Variants in ACACA observed in about 807,000 individuals in gnomAD.
The protein encoded by ACACA is acetyl-CoA carboxylase 1.
A neutral mutation model predicts 296.1 loss-of-function variants in ACACA; 103 were observed. That is an observed-to-expected ratio of 0.35 (90% confidence interval 0.30 to 0.41). The LOEUF (loss-of-function observed/expected upper bound fraction) is 0.41. Among genes scored for constraint, ACACA ranks in the 10% least tolerant of loss-of-function variants. The pLI, the probability that ACACA is intolerant of heterozygous loss-of-function variation, is 1.00. For synonymous variants in ACACA, 953 were observed against 1,038.6 expected (o/e 0.92, Z 1.58); for missense variants, 1,554 against 2,989.7 (o/e 0.52, Z 11.20).
chr17:37,166,722 T>A (rs1181567614), intron 41 of ACACA, among the ~76,000 whole-genome samples: 1 of 152,194 alleles, frequency 6.6e-6, no homozygotes, highest in East Asian at 1.9e-4. Flanking sequence ...CCTTGGACAC[T>A]TAACCTTTTA....
chr17:37,190,843 CA>C (rs1282675558), intron 38 of ACACA, among the ~76,000 whole-genome samples: 1 of 152,126 alleles, frequency 6.6e-6, no homozygotes, highest in African/African-American at 2.4e-5. Flanking sequence ...TAGGTACCAA[CA>C]AAAGAAAATG....
At chr17:37,375,696 T>A (rs1445569641) in intron 1 of ACACA, among the ~76,000 whole-genome samples, 2 of 152,200 alleles carry the variant, frequency 1.3e-5, no homozygotes, top group Non-Finnish European at 2.9e-5. Context: ...TCTCCACATC[T>A]TTTCATGAAA....
intron 1 of ACACA, among the ~76,000 whole-genome samples, chr17:37,372,139 C>T (rs1597727235): frequency 6.6e-6 from 1 of 152,058 alleles, no homozygotes; most frequent in Non-Finnish European, 1.5e-5. Flanking sequence ...ATAAGCCAGA[C>T]GCAGTAGTTC....
In ACACA at chr17:37,092,924, A is replaced by AT. The variant is rs111511738; in HGVS notation, c.6892-3851dup. On this transcript the variant is annotated intron_variant, in intron 54 of 55. Coordinates refer to ENST00000616317, the MANE Select transcript of ACACA (RefSeq NM_198834.3). ...CAACAGAAGCCCAAGAAAGGATGTGATTTTTTTTTCCAAGGGCTTTAGAGT... is the reference window on the plus strand; with the variant it reads ...CAACAGAAGCCCAAGAAAGGATGTGATTTTTTTTTTCCAAGGGCTTTAGAGT... Among the ~76,000 whole-genome samples the AT allele has an allele frequency of 8.0e-3, 1,222 of 151,876 alleles. 58 individuals are homozygous for AT. Among genetic ancestry groups the AT allele is most frequent in the Admixed American group, 0.071 (1,084 of 15,272 alleles).
chr17:37,186,925 T>C (rs933549412), intron 39 of ACACA, among the ~76,000 whole-genome samples: 5 of 151,402 alleles, frequency 3.3e-5, no homozygotes, highest in African/African-American at 9.7e-5. Context: ...AAAGTAGTTA[T>C]GAAGAACAAA....
chr17:37,216,198 G>GTGTT (rs2078987572), intron 29 of ACACA, among the ~76,000 whole-genome samples: 1 of 146,258 alleles, frequency 6.8e-6, no homozygotes, highest in Non-Finnish European at 1.5e-5. Context: ...ACGTGTGTGT[G>GTGTT]TGTGTGTGTG....
Position 37,121,404 on chromosome 17 carries a change from C to T in ACACA, c.6225G>A (p.Leu2075=). Residue 2075 remains leucine (L), a synonymous_variant, in exon 50 of 56, where the codon CTG becomes CTA. Transcript: ENST00000616317. ...QAIKDFNREG[L]PLMVFANWRG... ...TCCAGTTGGCAAAGACCATCAGAGG[C>T]AGCCCTTCCCGGTTGAAGTCCTTGA... 1.2e-6 allele frequency: 2 copies of T among 1,614,156 alleles called. No homozygotes were observed. Among genetic ancestry groups the T allele is most frequent in the Non-Finnish European group, 1.7e-6 (2 of 1,180,024 alleles).
intron 54 of ACACA, among the ~76,000 whole-genome samples, chr17:37,091,160 A>G (rs2072604992): frequency 6.6e-6 from 1 of 152,224 alleles, no homozygotes; most frequent in South Asian, 2.1e-4. Flanking sequence ...CAATGCTCAG[A>G]CACTACACTG....
At chr17:37,234,087 T>C (rs1047046811) in intron 25 of ACACA, among the ~76,000 whole-genome samples, 1 of 152,020 alleles carries the variant, frequency 6.6e-6, no homozygotes, top group Non-Finnish European at 1.5e-5. Flanking sequence ...TTTTCCTCCA[T>C]GAAAAAATGA....
intron 1 of ACACA, among the ~76,000 whole-genome samples, chr17:37,374,355 C>T (rs575758948): frequency 6.7e-6 from 1 of 150,086 alleles, no homozygotes; most frequent in Non-Finnish European, 1.5e-5. Context: ...GGTGCAATCT[C>T]GGCTCACTGC....
At chr17:37,220,641 G>C (rs543553150) in intron 29 of ACACA, among the ~76,000 whole-genome samples, 206 of 152,260 alleles carry the variant, frequency 1.4e-3, no homozygotes, top group South Asian at 4.8e-3. Context: ...CCAGCCATAA[G>C]GTATTTTTGA....
intron 29 of ACACA, among the ~76,000 whole-genome samples, chr17:37,221,184 TTAATTCAG>T (rs2079271171): frequency 6.6e-6 from 1 of 152,220 alleles, no homozygotes; most frequent in Non-Finnish European, 1.5e-5. Context: ...TTATCATGGC[TTAATTCAG>T]TAATTTATTT....
At chr17:37,219,318 C>T (rs1488295700) in intron 29 of ACACA, among the ~76,000 whole-genome samples, 1 of 152,122 alleles carries the variant, frequency 6.6e-6, no homozygotes, top group Non-Finnish European at 1.5e-5. Context: ...TTGAGACCAT[C>T]CCACACTTCA....
At chr17:37,330,091 A>C (rs749025541) in intron 3 of ACACA, 82 bp downstream of exon 3, 53 of 1,564,540 alleles carry the variant, frequency 3.4e-5, no homozygotes, top group Non-Finnish European at 4.3e-5. Context: ...TCTTAGCTGA[A>C]ATCATCCTTG....
chr17:37,130,844 G>C (rs757500022), intron 45 of ACACA, among the ~76,000 whole-genome samples: 17 of 151,970 alleles, frequency 1.1e-4, no homozygotes, highest in Non-Finnish European at 2.1e-4. Context: ...CTCAGTTAAA[G>C]AAACTCTGGG....
At chr17:37,280,761 A>ACACACACC (rs768423798) in intron 5 of ACACA, among the ~76,000 whole-genome samples, 244 of 150,876 alleles carry the variant, frequency 1.6e-3, no homozygotes, top group African/African-American at 5.2e-3. Flanking sequence ...ACACACACAC[A>ACACACACC]CCCCAAAAAA....
intron 3 of ACACA, among the ~76,000 whole-genome samples, chr17:37,303,044 C>T (rs1330935848): frequency 8.5e-5 from 13 of 152,126 alleles, no homozygotes; most frequent in Non-Finnish European, 1.5e-5. Flanking sequence ...AATCCTCCTG[C>T]CTCAGCCTCC....
At chr17:37,281,215 T>A (rs2082516374) in intron 5 of ACACA, among the ~76,000 whole-genome samples, 1 of 151,996 alleles carries the variant, frequency 6.6e-6, no homozygotes, top group Non-Finnish European at 1.5e-5. Flanking sequence ...ACCAGCACCA[T>A]GCCCAGCTAA....
At chr17:37,354,290 C>T (rs77424110) in intron 1 of ACACA, among the ~76,000 whole-genome samples, 6,349 of 152,210 alleles carry the variant, frequency 0.042, 353 homozygotes, top group African/African-American at 0.13. Context: ...TCAACATCAT[C>T]GAAAGGCAAG....
Sources: allele counts gnomAD v4.1 joint callset (sites outside exome capture counted in the v4.1 genomes callset), GRCh38; gene constraint gnomAD v4.1.1; transcripts MANE v1.5; gene names NCBI Gene and HGNC (gene_info 2026-07-23, HGNC 2026-07-21).